ABCB1: variants seen among roughly 807,000 people sequenced by gnomAD.
ABCB1 encodes the protein ATP-dependent translocase ABCB1.
ABCB1 carries 69 observed loss-of-function variants against 142.0 expected under a neutral mutation model. That is an observed-to-expected ratio of 0.49 (90% CI 0.40 to 0.59). ABCB1 has a LOEUF of 0.59. Ranked by LOEUF, ABCB1 falls within the 20% of genes least tolerant of loss-of-function variation. ABCB1 has a pLI of 0.00. For synonymous variants in ABCB1, 532 were observed against 539.2 expected (o/e 0.99, Z 0.18); for missense variants, 1,326 against 1,554.7 (o/e 0.85, Z 2.47).
At chr7:87,587,065 A>G (rs1049084508) in intron 3 of ABCB1, among the ~76,000 whole-genome samples, 4 of 152,186 alleles carry the variant, frequency 2.6e-5, no homozygotes, top group East Asian at 1.9e-4. Context: ...CATTAATGGG[A>G]CAACACGTTT....
At chr7:87,519,976 G>A in intron 22 of ABCB1, among the ~76,000 whole-genome samples, 1 of 152,114 alleles carries the variant, frequency 6.6e-6, no homozygotes, top group Admixed American at 6.6e-5. Flanking sequence ...ATCTGTTATA[G>A]GAAGAAAGGA....
chr7:87,709,266 GGAGAGCAACTTTCTT>G, intron 1 of ABCB1: 3 of 985,222 alleles, frequency 3.0e-6, no homozygotes, highest in Non-Finnish European at 3.6e-6. Context: ...AATTGTCTCT[GGAGAGCAACTTTCTT>G]GACTTCATTG....
intron 1 of ABCB1, among the ~76,000 whole-genome samples, chr7:87,700,834 G>T (rs1440051684): frequency 6.6e-6 from 1 of 152,040 alleles, no homozygotes; most frequent in African/African-American, 2.4e-5. Context: ...TTGCCTTTTC[G>T]CTGTGTTGAT....
intron 21 of ABCB1, among the ~76,000 whole-genome samples, chr7:87,523,804 C>G (rs1395206443): frequency 1.3e-5 from 2 of 152,096 alleles, no homozygotes; most frequent in Non-Finnish European, 2.9e-5. Context: ...CACCTTGAAC[C>G]AACATGCTGT....
chr7:87,550,854 A>G lies in ABCB1; in HGVS notation c.1000-16T>C, dbSNP rs750668614. On this transcript the variant is annotated splice_polypyrimidine_tract_variant and intron_variant, in intron 9 of 27. Coordinates refer to ENST00000622132, the MANE Select transcript of ABCB1 (RefSeq NM_001348946.2). ...AAAAGAATACCTGAGGAATGTGAAG[A>G]AAAACCATCAGGCTACTGAGATAGT... 6.6e-7 allele frequency: 1 copy of G among 1,513,836 alleles called. No homozygotes were observed. The highest frequency in any genetic ancestry group is 1.4e-5 in the African/African-American group (1 of 73,036). The allele number at this position is 1,513,836 out of a possible 1,614,324, so 93.8% of individuals were successfully genotyped here. A position where few individuals can be genotyped will look rare whatever the true frequency, so the allele number is the denominator to read the frequency against.
chr7:87,614,827 G>T (rs1457609010), intron 1 of ABCB1, among the ~76,000 whole-genome samples: 6 of 151,732 alleles, frequency 4.0e-5, no homozygotes, highest in Non-Finnish European at 7.4e-5. Context: ...GTTTGTTTTT[G>T]TGTGTGTAGG....
Position 87,515,216 on chromosome 7 carries a change from T to C in ABCB1, c.3282+15A>G, listed in dbSNP as rs775727798. On this transcript the variant is annotated intron_variant, in intron 25 of 27. Transcript: ENST00000622132. ...ATGAAAACCTGAACTGAGCTAAATG[T>C]GAAAGTGTGCTCACCACTTTCCCTG... 2 of 1,612,204 alleles carry C rather than the reference T, an allele frequency of 1.2e-6. No homozygotes were observed.
intron 24 of ABCB1, 146 bp downstream of exon 24, chr7:87,516,363 T>C: frequency 1.0e-6 from 1 of 975,836 alleles, no homozygotes; most frequent in Non-Finnish European, 1.6e-6. Flanking sequence ...TGTATATTAT[T>C]AGCAGTAATT....
At chr7:87,580,834 A>G (rs1258821395) in intron 4 of ABCB1, among the ~76,000 whole-genome samples, 3 of 151,734 alleles carry the variant, frequency 2.0e-5, no homozygotes, top group African/African-American at 4.8e-5. Context: ...TGCTATTAAG[A>G]GACTGTGATT....
intron 4 of ABCB1, among the ~76,000 whole-genome samples, chr7:87,571,962 G>C (rs755819932): frequency 1.3e-5 from 2 of 152,198 alleles, no homozygotes; most frequent in African/African-American, 2.4e-5. Flanking sequence ...GAAACAAAGA[G>C]ATGCAGAAGC....
chr7:87,522,969 G>A (rs1412704634), intron 21 of ABCB1, among the ~76,000 whole-genome samples: 1 of 152,066 alleles, frequency 6.6e-6, no homozygotes, highest in Non-Finnish European at 1.5e-5. Flanking sequence ...TTCCTTTATT[G>A]TTGAGCCAGG....
chr7:87,701,855 A>T (rs1829067558), intron 1 of ABCB1, among the ~76,000 whole-genome samples: 3 of 152,274 alleles, frequency 2.0e-5, no homozygotes, highest in Admixed American at 2.0e-4. Context: ...TGTAAAACAG[A>T]GATACTGGCC....
rs188196757 is a variant in ABCB1 at position 87,684,173 on chromosome 7, G to T, written c.-331+28988C>A. ...GGCATCTACAGAAGTTTACAACAGG[G>T]TTTCTCAACATTGATACTGTTGATA... On this transcript the variant is annotated intron_variant, in intron 1 of 28. Transcript: ENST00000265724. 1.9e-3 allele frequency among the ~76,000 whole-genome samples: 291 copies of T among 152,216 alleles called. 2 individuals carry two copies. Among genetic ancestry groups the T allele is most frequent in the Non-Finnish European group, 5.7e-4 (39 of 68,006 alleles).
At chr7:87,525,243 G>T (rs1815731550) in intron 21 of ABCB1, among the ~76,000 whole-genome samples, 1 of 152,112 alleles carries the variant, frequency 6.6e-6, no homozygotes. Context: ...GGAAACTGTT[G>T]TGTACTAAAT....
At chr7:87,508,828 A>T (rs1814869321) in intron 26 of ABCB1, among the ~76,000 whole-genome samples, 1 of 152,020 alleles carries the variant, frequency 6.6e-6, no homozygotes, top group African/African-American at 2.4e-5. Context: ...AATAGGGGAG[A>T]GACATGGGGA....
chr7:87,642,120 T>C lies in ABCB1; in HGVS notation c.-330-41042A>G, dbSNP rs906372712. Among the ~76,000 whole-genome samples the C allele has an allele frequency of 6.6e-5, 10 of 151,944 alleles. No homozygotes were observed. In the South Asian group the frequency reaches 1.0e-3, roughly 16 times the overall value. On this transcript the variant is annotated intron_variant, in intron 1 of 28. Coordinates refer to the ABCB1 transcript ENST00000265724. ...TATAATAATTTTTATTTAAATTAGA[T>C]TTATTTTATAGTTAAGGCTAACATT... is the stretch of plus-strand genomic sequence containing the variant.
chr7:87,637,820 A>AT (rs918346236), intron 1 of ABCB1, among the ~76,000 whole-genome samples: 34 of 151,062 alleles, frequency 2.3e-4, no homozygotes, highest in African/African-American at 8.0e-4. Context: ...TGCAGTTAAA[A>AT]TTTTTTTTTC....
At position 87,524,401 on chromosome 7, in the gene ABCB1, G is replaced by GA. The variant is rs202076531; in HGVS notation, c.2686-3526dup. ...AAGTGCAGAAAGCAAAAGGTGAGGA[G>GA]AAAAAATTCACCTTCAAATTCCCAA... On this transcript the variant is annotated intron_variant, in intron 21 of 27. Coordinates refer to ENST00000622132, the MANE Select transcript of ABCB1 (RefSeq NM_001348946.2). Among the ~76,000 whole-genome samples, 1,120 of 152,224 alleles carry GA rather than the reference G, an allele frequency of 7.4e-3. 12 individuals carry two copies. Among genetic ancestry groups the GA allele is most frequent in the African/African-American group, 0.026 (1,066 of 41,534 alleles).
intron 4 of ABCB1, among the ~76,000 whole-genome samples, chr7:87,575,359 T>C (rs1818229059): frequency 6.6e-6 from 1 of 152,188 alleles, no homozygotes; most frequent in Non-Finnish European, 1.5e-5. Flanking sequence ...AGAGACTTCA[T>C]GCCAGGCATC....
Sources: allele counts gnomAD v4.1 joint callset (sites outside exome capture counted in the v4.1 genomes callset), GRCh38; gene constraint gnomAD v4.1.1; transcripts MANE v1.5; gene names NCBI Gene and HGNC (gene_info 2026-07-23, HGNC 2026-07-21).